TENM2: variants seen among roughly 807,000 people sequenced by gnomAD.
TENM2 encodes teneurin-2.
A neutral mutation model predicts 245.2 loss-of-function variants in TENM2; 52 were observed. That is an observed-to-expected ratio of 0.21 (90% CI 0.17 to 0.27). TENM2 has a LOEUF of 0.27. Ranked by LOEUF, TENM2 falls within the 10% of genes least tolerant of loss-of-function variation. TENM2 has a pLI of 1.00. For missense variants in TENM2, 3,046 were observed against 3,666.8 expected, an observed-to-expected ratio of 0.83 and a Z score of 4.37; for synonymous variants, 1,363 against 1,438.9, an observed-to-expected ratio of 0.95 and a Z score of 1.19.
chr5:167,545,576 T>G (rs1380042908), intron 2 of TENM2, among the ~76,000 whole-genome samples: 2 of 152,194 alleles, frequency 1.3e-5, no homozygotes, highest in African/African-American at 4.8e-5. Flanking sequence ...ATGTATGGCT[T>G]TCTGATAGTG....
intron 2 of TENM2, among the ~76,000 whole-genome samples, chr5:167,717,421 A>G (rs1279362637): frequency 2.0e-5 from 3 of 152,138 alleles, no homozygotes; most frequent in Non-Finnish European, 4.4e-5. Context: ...TAGGTTGGAC[A>G]TGTTCTCAAG....
chr5:167,049,155 C>T, the TENM2 span, among the ~76,000 whole-genome samples: 19 of 152,278 alleles, frequency 1.2e-4, 1 homozygote, highest in East Asian at 9.6e-4. Context: ...ATGTAAGCTA[C>T]ATAGTAATTT....
chr5:167,468,240 A>G (rs916911278), intron 2 of TENM2, among the ~76,000 whole-genome samples: 1 of 152,134 alleles, frequency 6.6e-6, no homozygotes, highest in Non-Finnish European at 1.5e-5. Flanking sequence ...CCCATCCCAC[A>G]TCTTGTTAGA....
At chr5:167,112,545 G>A in the TENM2 span, among the ~76,000 whole-genome samples, 11 of 152,036 alleles carry the variant, frequency 7.2e-5, no homozygotes, top group Admixed American at 3.3e-4. Context: ...CAAATGTTTC[G>A]GTCCACTATC....
Position 167,837,067 on chromosome 5 carries a change from T to TACAC in TENM2, c.503-38891_503-38888dup, listed in dbSNP as rs3082486. The stretch of plus-strand genomic sequence containing the variant: ...TTTATAGTATATATGTATGCCTAAG[T>TACAC]ACACACACACACACACACACACACA... On this transcript the variant is annotated intron_variant, in intron 2 of 28. Coordinates refer to ENST00000518659, the Ensembl canonical transcript of TENM2. Among the ~76,000 whole-genome samples the TACAC allele has an allele frequency of 7.1e-3, 1,055 of 149,522 alleles. 7 individuals carry two copies. Among genetic ancestry groups the TACAC allele is most frequent in the African/African-American group, 0.024 (971 of 40,758 alleles).
the TENM2 span, among the ~76,000 whole-genome samples, chr5:167,071,878 G>GGCCCCCCCC: frequency 3.2e-5 from 4 of 124,022 alleles, no homozygotes; most frequent in Non-Finnish European, 5.1e-5. Context: ...TTGACAAATC[G>GGCCCCCCCC]CCCCCCCCCG....
chr5:168,255,342 C>T (rs1767555924), intron 27 of TENM2, among the ~76,000 whole-genome samples: 1 of 152,006 alleles, frequency 6.6e-6, no homozygotes, highest in Admixed American at 6.6e-5. Flanking sequence ...CCCTCTGTCA[C>T]CCAGGCTGGA....
the TENM2 span, among the ~76,000 whole-genome samples, chr5:167,064,870 G>A: frequency 6.6e-6 from 1 of 152,232 alleles, no homozygotes; most frequent in African/African-American, 2.4e-5. Context: ...TTCTTAGACT[G>A]TGCCAATCTG....
chr5:167,805,405 T>C (rs1332910664), intron 2 of TENM2, among the ~76,000 whole-genome samples: 1 of 152,166 alleles, frequency 6.6e-6, no homozygotes, highest in Non-Finnish European at 1.5e-5. Context: ...GAAGCTTTCC[T>C]GTGATTCTTG....
At chr5:167,210,109 C>T in the TENM2 span, among the ~76,000 whole-genome samples, 1 of 152,194 alleles carries the variant, frequency 6.6e-6, no homozygotes, top group African/African-American at 2.4e-5. Flanking sequence ...ATTTAACCCA[C>T]AGGATAACTT....
chr5:167,238,298 T>G, the TENM2 span, among the ~76,000 whole-genome samples: 1 of 141,350 alleles, frequency 7.1e-6, no homozygotes, highest in Non-Finnish European at 1.5e-5. Flanking sequence ...TATTACTTAG[T>G]CATTATACAG....
At chr5:167,801,905 G>GACAC (rs10643504) in intron 2 of TENM2, among the ~76,000 whole-genome samples, 113,943 of 149,222 alleles carry the variant, frequency 0.76, 44,758 homozygotes, top group Non-Finnish European at 0.87. Context: ...CACACACACA[G>GACAC]ACACACACAC....
At position 167,672,294 on chromosome 5, in the gene TENM2, T is replaced by C. The variant is rs578236011; in HGVS notation, c.503-203692T>C. ...ATGTATATATACACACACATATATA[T>C]ACACACATATATATACCTTTATTTT... On this transcript the variant is annotated intron_variant, in intron 2 of 28. Transcript: ENST00000518659. 1.3e-3 allele frequency among the ~76,000 whole-genome samples: 195 copies of C among 152,188 alleles called. 1 individual carries two copies. The highest frequency in any genetic ancestry group is 1.6e-3 in the Non-Finnish European group (111 of 67,986).
chr5:168,235,798 C>T (rs1319223245), intron 25 of TENM2, among the ~76,000 whole-genome samples: 1 of 138,276 alleles, frequency 7.2e-6, no homozygotes, highest in African/African-American at 2.9e-5. Flanking sequence ...CAGAGTGAGA[C>T]TCTGCCTCAA....
At chr5:167,748,641 T>C (rs1039704759) in intron 2 of TENM2, among the ~76,000 whole-genome samples, 2 of 144,262 alleles carry the variant, frequency 1.4e-5, no homozygotes, top group African/African-American at 4.9e-5. Context: ...GGAGGTTTAA[T>C]TGACTCATAG....
chr5:167,661,200 A>C (rs1278142735), intron 2 of TENM2, among the ~76,000 whole-genome samples: 1 of 152,182 alleles, frequency 6.6e-6, no homozygotes, highest in African/African-American at 2.4e-5. Flanking sequence ...GAAGCAAATA[A>C]ATTTGAAAGC....
At chr5:167,576,819 T>G (rs1774723500) in intron 2 of TENM2, among the ~76,000 whole-genome samples, 1 of 152,146 alleles carries the variant, frequency 6.6e-6, no homozygotes, top group Non-Finnish European at 1.5e-5. Context: ...TCCCACTGAA[T>G]ATTAAGTGCT....
chr5:168,022,576 G>A (rs1035977515), intron 5 of TENM2, among the ~76,000 whole-genome samples: 2 of 152,158 alleles, frequency 1.3e-5, no homozygotes, highest in Admixed American at 6.5e-5. Context: ...TTTGCTTTGT[G>A]CATTTACAAT....
chr5:167,420,056 A>T (rs1182781955), intron 2 of TENM2, among the ~76,000 whole-genome samples: 2 of 152,216 alleles, frequency 1.3e-5, no homozygotes. Flanking sequence ...AAAGGAAAAG[A>T]TGTAGGTATA....
Sources: gnomAD v4.1 joint callset for allele counts (sites outside exome capture counted in the v4.1 genomes callset) on GRCh38, gnomAD v4.1.1 for gene constraint, MANE v1.5 for transcripts, NCBI Gene and HGNC (gene_info 2026-07-23, HGNC 2026-07-21) for gene names.